Variants in TRIM71 observed in about 807,000 individuals in gnomAD.
TRIM71 encodes tripartite motif containing 71, also known as E3 ubiquitin-protein ligase TRIM71.
TRIM71 carries 9 observed loss-of-function variants against 61.2 expected under a neutral mutation model. The ratio of observed to expected loss-of-function variants is 0.15; its 90% CI spans 0.09 to 0.26. TRIM71 has a LOEUF of 0.26. TRIM71 is among the 10% of genes least tolerant of loss of function. TRIM71 has a pLI of 1.00. For synonymous variants in TRIM71, 645 were observed against 553.2 expected (o/e 1.17, Z -2.33); for missense variants, 998 against 1,238.7 (o/e 0.81, Z 2.92).
rs1443213679 is a variant in TRIM71 at position 32,818,249 on chromosome 3, C to A, written c.169C>A (p.His57Asn). ...CCCTGGGGCGGCGGCGCGCCGCCTA[C>A]ACGTCCTGCCCTGCCTGCACGCCTT... is the stretch of plus-strand genomic sequence containing the variant. ...GGPGAAARRL[H>N]VLPCLHAFCR... is the part of the protein sequence containing the mutation. Residue 57 changes from histidine to asparagine, a missense_variant, in exon 1 of 4, where the codon CAC becomes AAC. His to Asn is a moderately conservative substitution (Grantham distance 68). Transcript: ENST00000383763. The A allele has an allele frequency of 6.7e-7, 1 of 1,483,520 alleles. No individual in the cohort carries two copies. The highest frequency in any genetic ancestry group is 1.5e-5 in the African/African-American group (1 of 68,778). The allele number at this position is 1,483,520 out of a possible 1,614,324, so 91.9% of individuals were successfully genotyped here.
chr3:32,891,840 G>T lies in TRIM71; in HGVS notation c.*29G>T, dbSNP rs181759059. ...CATTTCCTAGGTTTCTGTGTTTGGG[G>T]TGTGTGTGCGTGTCTCTCTCTCTCT... On this transcript the variant is annotated 3_prime_UTR_variant, in exon 4 of 4. Coordinates refer to ENST00000383763, the MANE Select transcript of TRIM71 (RefSeq NM_001039111.3). The surrounding 1 kb of genome is among the most constrained non-coding windows in gnomAD (Gnocchi z 8.2). 1.1e-4 allele frequency: 178 copies of T among 1,591,006 alleles called. No individual in the cohort carries two copies. The highest frequency in any genetic ancestry group is 2.6e-4 in the Admixed American group (15 of 56,688).
intron 1 of TRIM71, among the ~76,000 whole-genome samples, chr3:32,853,412 C>T (rs1032355401): frequency 1.3e-5 from 2 of 152,090 alleles, no homozygotes; most frequent in Admixed American, 6.5e-5. Flanking sequence ...CCACCACACC[C>T]GGCCAGAATA....
chr3:32,838,630 A>AG (rs1426740541), intron 1 of TRIM71, among the ~76,000 whole-genome samples: 2 of 150,890 alleles, frequency 1.3e-5, no homozygotes, highest in East Asian at 2.0e-4. Context: ...CAGTTGATAT[A>AG]GGGGAGCTAA....
At chr3:32,828,357 G>C (rs1190463074) in intron 1 of TRIM71, among the ~76,000 whole-genome samples, 1 of 152,112 alleles carries the variant, frequency 6.6e-6, no homozygotes, top group East Asian at 1.9e-4. Context: ...GGCTTTGCTT[G>C]AGCACTCTGA....
chr3:32,819,507 GTCCT>G (rs1696104074), intron 1 of TRIM71, among the ~76,000 whole-genome samples: 1 of 152,236 alleles, frequency 6.6e-6, no homozygotes. Context: ...CAGCATGGCA[GTCCT>G]TGCCTCCTTA....
chr3:32,863,677 ATTTGTT>A (rs989245240), intron 1 of TRIM71, among the ~76,000 whole-genome samples: 1 of 151,702 alleles, frequency 6.6e-6, no homozygotes, highest in Non-Finnish European at 1.5e-5. Context: ...ATATTTATTT[ATTTGTT>A]TTTGTTTTTG....
At chr3:32,879,591 A>T (rs1409457750) in intron 2 of TRIM71, among the ~76,000 whole-genome samples, 1 of 152,070 alleles carries the variant, frequency 6.6e-6, no homozygotes, top group African/African-American at 2.4e-5. Context: ...TCAAAGTGTG[A>T]CACAGAGACA....
At chr3:32,868,211 T>C (rs888400504) in intron 1 of TRIM71, among the ~76,000 whole-genome samples, 12 of 152,256 alleles carry the variant, frequency 7.9e-5, no homozygotes, top group Middle Eastern at 3.4e-3. Flanking sequence ...CTGCTGGCCT[T>C]TTGTTTTTGG....
At chr3:32,869,309 C>T (rs990382343) in intron 1 of TRIM71, among the ~76,000 whole-genome samples, 1 of 152,176 alleles carries the variant, frequency 6.6e-6, no homozygotes, top group African/African-American at 2.4e-5. Context: ...TAAGGGATAC[C>T]AAACTAATCT....
At chr3:32,845,559 TTTAACTC>T (rs1433589777) in intron 1 of TRIM71, among the ~76,000 whole-genome samples, 1 of 152,144 alleles carries the variant, frequency 6.6e-6, no homozygotes, top group African/African-American at 2.4e-5. Flanking sequence ...AAACCCTTTC[TTTAACTC>T]AGTGGTCACT....
rs375108360 is a variant in TRIM71 at position 32,885,964 on chromosome 3, G to A, written c.1051G>A (p.Glu351Lys). 1.2e-6 allele frequency: 2 copies of A among 1,614,096 alleles called. No individual in the cohort carries two copies. Among genetic ancestry groups the A allele is most frequent in the Non-Finnish European group, 1.7e-6 (2 of 1,180,006 alleles). ...LSIEQAQTVA[E>K]QVEMKAKVVQ... is the part of the protein sequence containing the mutation. ...CATCGAGCAGGCCCAGACGGTGGCG[G>A]AACAGGTGGAGATGAAGGCGAAGGT... Residue 351 changes from glutamate to lysine, a missense_variant, in exon 3 of 4, where the codon GAA becomes AAA. Coordinates refer to ENST00000383763, the MANE Select transcript of TRIM71 (RefSeq NM_001039111.3).
intron 3 of TRIM71, among the ~76,000 whole-genome samples, chr3:32,888,664 C>G (rs1359615820): frequency 6.6e-6 from 1 of 151,964 alleles, no homozygotes; most frequent in Non-Finnish European, 1.5e-5. Context: ...CCTCAGCCTC[C>G]CAAGTAGCTG....
At chr3:32,846,686 G>A (rs1238315289) in intron 1 of TRIM71, among the ~76,000 whole-genome samples, 1 of 57,660 alleles carries the variant, frequency 1.7e-5, no homozygotes, top group Non-Finnish European at 3.2e-5. Context: ...TCCAACCCCA[G>A]CCTCTGATAT....
chr3:32,852,769 A>C (rs200800205), intron 1 of TRIM71, among the ~76,000 whole-genome samples: 47 of 148,992 alleles, frequency 3.2e-4, no homozygotes, highest in African/African-American at 5.4e-4. Context: ...TAAAAAAAAA[A>C]AAAAACAAAA....
chr3:32,864,845 G>GGTGTGTGT lies in TRIM71; in HGVS notation c.853-8932_853-8925dup, dbSNP rs10522411. Among the ~76,000 whole-genome samples, 119 of 146,436 alleles carry GGTGTGTGT rather than the reference G, an allele frequency of 8.1e-4. 1 individual carries two copies. Among genetic ancestry groups the GGTGTGTGT allele is most frequent in the East Asian group, 3.1e-3 (15 of 4,796 alleles). ...ATGATTATACTTTTAAAAATTAAGT[G>GGTGTGTGT]GTGTGTGTGTGTGTGTGTGTGTGTG... On this transcript the variant is annotated intron_variant, in intron 1 of 3. Coordinates refer to ENST00000383763, the MANE Select transcript of TRIM71 (RefSeq NM_001039111.3).
chr3:32,820,016 C>T (rs1048293642), intron 1 of TRIM71, among the ~76,000 whole-genome samples: 17 of 152,250 alleles, frequency 1.1e-4, no homozygotes, highest in African/African-American at 4.1e-4. Flanking sequence ...TCTTCTCCCC[C>T]GAACCCAATG....
In TRIM71 at chr3:32,896,626, A is replaced by G. The variant is rs1367927953; in HGVS notation, c.*4815A>G. 6.6e-6 allele frequency: 1 copy of G among 152,184 alleles called. No homozygotes were observed. The highest frequency in any genetic ancestry group is 1.5e-5 in the Non-Finnish European group (1 of 68,036). 9.4% of individuals were successfully genotyped at this position (152,184 alleles called of 1,614,324 possible). ...AATGTCATGGTGAAGAAATACCTCA[A>G]TGATGTCTATTTTTAAAACTGATCT... On this transcript the variant is annotated 3_prime_UTR_variant, in exon 4 of 4. Coordinates refer to ENST00000383763, the MANE Select transcript of TRIM71 (RefSeq NM_001039111.3).
chr3:32,831,534 TCC>T (rs1491547502), intron 1 of TRIM71, among the ~76,000 whole-genome samples: 2 of 124,550 alleles, frequency 1.6e-5, no homozygotes, highest in African/African-American at 2.9e-5. Context: ...TTGCTTATCT[TCC>T]TTTTTTTTTT....
intron 1 of TRIM71, among the ~76,000 whole-genome samples, chr3:32,819,944 C>T (rs572314876): frequency 6.6e-5 from 10 of 152,378 alleles, no homozygotes; most frequent in Non-Finnish European, 1.5e-4. Context: ...GTCGAGTAAA[C>T]ATTTGCTTTT....
Sources: gnomAD v4.1 joint callset for allele counts (sites outside exome capture counted in the v4.1 genomes callset) on GRCh38, gnomAD v4.1.1 for gene constraint, Gnocchi (gnomAD v3.1) non-coding constraint, MANE v1.5 for transcripts, NCBI Gene and HGNC (gene_info 2026-07-23, HGNC 2026-07-21) for gene names.